GALNT17: variants seen among roughly 807,000 people sequenced by gnomAD.
The protein encoded by GALNT17 is polypeptide N-acetylgalactosaminyltransferase 17.
Under a neutral mutation model 63.7 loss-of-function variants are expected in GALNT17, and 29 were observed. The observed-to-expected ratio is 0.46, with a 90% CI of 0.34 to 0.62. GALNT17 has a LOEUF of 0.62. Among genes scored for constraint, GALNT17 ranks in the 20% least tolerant of loss-of-function variants. The pLI is 0.01. For missense variants in GALNT17, 603 were observed against 799.6 expected (o/e 0.75, Z 2.97); for synonymous variants, 305 against 318.3 (o/e 0.96, Z 0.45).
intron 5 of GALNT17, among the ~76,000 whole-genome samples, chr7:71,564,678 A>T (rs1261912253): frequency 6.6e-6 from 1 of 152,062 alleles, no homozygotes; most frequent in Non-Finnish European, 1.5e-5. Flanking sequence ...CTGCCCATTC[A>T]TCTGTGGGTT....
intron 1 of GALNT17, among the ~76,000 whole-genome samples, chr7:71,317,584 T>C (rs1317878468): frequency 6.6e-6 from 1 of 152,144 alleles, no homozygotes; most frequent in Non-Finnish European, 1.5e-5. Flanking sequence ...GGGGGGATCA[T>C]GGCTGAGTGT....
chr7:71,500,452 A>G (rs940465796), intron 5 of GALNT17, among the ~76,000 whole-genome samples: 16 of 152,154 alleles, frequency 1.1e-4, no homozygotes, highest in African/African-American at 3.9e-4. Context: ...TTTGGTGTCT[A>G]CAAAGATGTT....
intron 2 of GALNT17, among the ~76,000 whole-genome samples, chr7:71,353,898 T>C (rs1792232577): frequency 6.6e-6 from 1 of 152,136 alleles, no homozygotes; most frequent in Non-Finnish European, 1.5e-5. Flanking sequence ...ACAGGCTATA[T>C]AGGAAGCATG....
At chr7:71,225,196 T>G (rs1178507050) in intron 1 of GALNT17, among the ~76,000 whole-genome samples, 1 of 152,168 alleles carries the variant, frequency 6.6e-6, no homozygotes, top group Admixed American at 6.5e-5. Context: ...CTTGAACTCC[T>G]GACCTCAAGT....
chr7:71,664,491 G>C (rs915089707), intron 6 of GALNT17, among the ~76,000 whole-genome samples: 2 of 152,114 alleles, frequency 1.3e-5, no homozygotes, highest in African/African-American at 2.4e-5. Context: ...CGTACCTGTA[G>C]TCCCAGCTAC....
intron 5 of GALNT17, among the ~76,000 whole-genome samples, chr7:71,472,715 A>C (rs528320007): frequency 5.4e-5 from 8 of 148,854 alleles, no homozygotes; most frequent in Non-Finnish European, 1.0e-4. Context: ...CTAAACTAAA[A>C]TAAATAAAAA....
At chr7:71,684,021 A>C (rs557438928) in intron 9 of GALNT17, among the ~76,000 whole-genome samples, 2,768 of 151,644 alleles carry the variant, frequency 0.018, 76 homozygotes, top group African/African-American at 0.063. Context: ...AAAAAAAAAA[A>C]AAAAACAAAA....
intron 5 of GALNT17, among the ~76,000 whole-genome samples, chr7:71,433,094 T>A (rs1786898421): frequency 6.6e-6 from 1 of 152,174 alleles, no homozygotes. Context: ...AGTCAGCCAC[T>A]GTGCCTGGCC....
intron 1 of GALNT17, among the ~76,000 whole-genome samples, chr7:71,187,284 TTC>T (rs112335257): frequency 0.011 from 1,577 of 138,518 alleles, 38 homozygotes; most frequent in African/African-American, 0.026. Context: ...TAATTTTTCT[TTC>T]TTTTTTTTTT....
At chr7:71,709,589 T>TTTG (rs111897609) in intron 9 of GALNT17, among the ~76,000 whole-genome samples, 50 of 150,686 alleles carry the variant, frequency 3.3e-4, no homozygotes, top group Admixed American at 6.6e-4. Context: ...TTTTTTTTTT[T>TTTG]GTTTTTTTGG....
chr7:71,420,423 T>C (rs549306123), intron 4 of GALNT17, among the ~76,000 whole-genome samples: 62 of 152,268 alleles, frequency 4.1e-4, no homozygotes, highest in African/African-American at 1.2e-3. Context: ...GTGAAATGTG[T>C]GTTAAAACCA....
At chr7:71,606,298 G>C (rs1790047343) in intron 6 of GALNT17, among the ~76,000 whole-genome samples, 1 of 152,106 alleles carries the variant, frequency 6.6e-6, no homozygotes, top group African/African-American at 2.4e-5. Flanking sequence ...ATTTTGAAAA[G>C]AGTGCAACAC....
chr7:71,445,489 G>T (rs996488487), intron 5 of GALNT17, among the ~76,000 whole-genome samples: 6 of 146,476 alleles, frequency 4.1e-5, no homozygotes, highest in Non-Finnish European at 9.1e-5. Flanking sequence ...GAGCCACTGC[G>T]CCCGGCCAGG....
chr7:71,658,114 C>T (rs1015102217), intron 6 of GALNT17, among the ~76,000 whole-genome samples: 1 of 152,082 alleles, frequency 6.6e-6, no homozygotes, highest in Non-Finnish European at 1.5e-5. Context: ...GCCATGTTGC[C>T]CAGGCTGGTC....
At chr7:71,222,196 C>T (rs537703475) in intron 1 of GALNT17, among the ~76,000 whole-genome samples, 9 of 152,074 alleles carry the variant, frequency 5.9e-5, no homozygotes, top group African/African-American at 1.9e-4. Context: ...TGTGAGCCAC[C>T]ACTGCTGGCC....
intron 3 of GALNT17, among the ~76,000 whole-genome samples, chr7:71,415,559 A>G (rs1793508857): frequency 6.6e-6 from 1 of 152,164 alleles, no homozygotes; most frequent in African/African-American, 2.4e-5. Context: ...CCGGACAAGG[A>G]TTCTGGCCAA....
chr7:71,288,652 C>T (rs1790921762), intron 1 of GALNT17, among the ~76,000 whole-genome samples: 1 of 152,094 alleles, frequency 6.6e-6, no homozygotes, highest in Non-Finnish European at 1.5e-5. Context: ...AGTGCAGTGA[C>T]CTTGCGTTTA....
rs770348902 is a variant in GALNT17 at position 71,144,889 on chromosome 7, A to T, written c.238+11849A>T. Among the ~76,000 whole-genome samples, 8 of 152,136 alleles carry T rather than the reference A, an allele frequency of 5.3e-5. No individual in the cohort carries two copies. The East Asian group carries it at 7.8e-4, about 15-fold the overall frequency. Reference sequence around the variant, plus strand: ...GACTACAGGTGCATGCCACCATGCCAGGCTAATTTTTTGTATTTTTAGTAG... The same window carrying T: ...GACTACAGGTGCATGCCACCATGCCTGGCTAATTTTTTGTATTTTTAGTAG... On this transcript the variant is annotated intron_variant, in intron 1 of 10. Coordinates refer to ENST00000333538, the MANE Select transcript of GALNT17 (RefSeq NM_022479.3).
At chr7:71,366,992 C>CA (rs1364159678) in intron 2 of GALNT17, among the ~76,000 whole-genome samples, 1 of 152,182 alleles carries the variant, frequency 6.6e-6, no homozygotes, top group East Asian at 1.9e-4. Context: ...TCATATCACT[C>CA]ACTCGGACCG....
Sources: allele counts gnomAD v4.1 joint callset (sites outside exome capture counted in the v4.1 genomes callset), GRCh38; gene constraint gnomAD v4.1.1; transcripts MANE v1.5; gene names NCBI Gene and HGNC (gene_info 2026-07-23, HGNC 2026-07-21).